JMY: variants seen among roughly 807,000 people sequenced by gnomAD.
JMY encodes the protein junction-mediating and -regulatory protein.
In JMY, 46 loss-of-function variants were observed where a neutral mutation model predicts 103.3. The ratio of observed to expected loss-of-function variants is 0.45; its 90% CI spans 0.35 to 0.57. The LOEUF is 0.57. Among genes scored for constraint, JMY ranks in the 20% least tolerant of loss-of-function variants. The pLI is 0.00. For missense variants in JMY, 1,238 were observed against 1,255.2 expected, an observed-to-expected ratio of 0.99 and a Z score of 0.21; for synonymous variants, 526 against 489.3, an observed-to-expected ratio of 1.07 and a Z score of -0.99.
intron 1 of JMY, among the ~76,000 whole-genome samples, chr5:79,275,801 G>A (rs569009129): frequency 6.6e-6 from 1 of 152,038 alleles, no homozygotes; most frequent in Non-Finnish European, 1.5e-5. Flanking sequence ...CACTTTTTTT[G>A]TTATAAAAGC....
chr5:79,300,754 C>G lies in JMY; in HGVS notation c.1772C>G (p.Ser591Cys). 1 of 1,612,358 alleles carries G rather than the reference C, an allele frequency of 6.2e-7. No individual in the cohort carries two copies. The highest frequency in any genetic ancestry group is 8.5e-7 in the Non-Finnish European group (1 of 1,179,338). ...AMLEKEEMAA[S>C]AYLQREELQK... is the part of the protein sequence containing the mutation. ...CTGGAGAAGGAAGAGATGGCAGCAT[C>G]TGCGTACTTACAGAGAGAAGAGCTG... Residue 591 changes from serine to cysteine, a missense_variant, in exon 6 of 11, where the codon TCT (serine) becomes TGT (cysteine). By Grantham distance (112) the Ser-to-Cys change is moderately radical. Coordinates refer to ENST00000396137, the MANE Select transcript of JMY (RefSeq NM_152405.5).
At chr5:79,305,371 G>A in intron 6 of JMY, among the ~76,000 whole-genome samples, 1 of 152,008 alleles carries the variant, frequency 6.6e-6, no homozygotes, top group East Asian at 1.9e-4. Flanking sequence ...AGAATCTCTT[G>A]AACCTGGGAG....
At chr5:79,263,417 C>G (rs1312858522) in intron 1 of JMY, among the ~76,000 whole-genome samples, 2 of 151,872 alleles carry the variant, frequency 1.3e-5, no homozygotes, top group African/African-American at 4.8e-5. Flanking sequence ...TCTTTTCAGG[C>G]AGGATGTGCT....
intron 2 of JMY, among the ~76,000 whole-genome samples, chr5:79,280,559 A>G (rs1456642247): frequency 3.3e-5 from 5 of 152,132 alleles, no homozygotes; most frequent in African/African-American, 7.2e-5. Flanking sequence ...AATCATGACT[A>G]TTCTTTTATT....
chr5:79,258,171 A>G lies in JMY; in HGVS notation c.1033-19739A>G, dbSNP rs77652773. Among the ~76,000 whole-genome samples the G allele has an allele frequency of 4.9e-3, 747 of 152,324 alleles. 3 individuals are homozygous for G. The highest frequency in any genetic ancestry group is 0.017 in the African/African-American group (724 of 41,574). On this transcript the variant is annotated intron_variant, in intron 1 of 10. Coordinates refer to ENST00000396137, the MANE Select transcript of JMY (RefSeq NM_152405.5). Reference sequence around the variant, plus strand: ...ACAGTCAAATTTACTGAAATTTACTACTTATCTACAAAGGAAAGAATCTGA... The same window carrying G: ...ACAGTCAAATTTACTGAAATTTACTGCTTATCTACAAAGGAAAGAATCTGA...
intron 1 of JMY, among the ~76,000 whole-genome samples, chr5:79,253,212 T>C (rs948075305): frequency 2.0e-5 from 3 of 152,170 alleles, no homozygotes; most frequent in African/African-American, 7.2e-5. Flanking sequence ...TTTTAACTTT[T>C]TGTTGTTTCT....
intron 1 of JMY, among the ~76,000 whole-genome samples, chr5:79,255,657 A>G (rs1038030132): frequency 5.3e-5 from 8 of 152,202 alleles, no homozygotes; most frequent in African/African-American, 1.9e-4. Flanking sequence ...CCCCAAGCCC[A>G]ATATTGCTGT....
Position 79,325,570 on chromosome 5 carries a change from C to T in JMY, c.*3968C>T, listed in dbSNP as rs944901086. 2 of 152,076 alleles carry T rather than the reference C, an allele frequency of 1.3e-5. No homozygotes were observed. Among genetic ancestry groups the T allele is most frequent in the Non-Finnish European group, 2.9e-5 (2 of 67,990 alleles). The allele number at this position is 152,076 out of a possible 1,614,324, so 9.4% of individuals were successfully genotyped here. On this transcript the variant is annotated 3_prime_UTR_variant, in exon 11 of 11. Coordinates refer to ENST00000396137, the MANE Select transcript of JMY (RefSeq NM_152405.5). ...AAAGAGCTATGGTTAGAGGAGTGAC[C>T]AGCAAGATTTATTTCAGATGGAAAA...
At chr5:79,261,382 T>A (rs2607143) in intron 1 of JMY, among the ~76,000 whole-genome samples, 125,673 of 151,954 alleles carry the variant, frequency 0.83, 52,684 homozygotes, top group East Asian at 1. Context: ...TCTCTACAAA[T>A]AATAATAATA....
At chr5:79,295,098 T>G in intron 4 of JMY, among the ~76,000 whole-genome samples, 1 of 152,198 alleles carries the variant, frequency 6.6e-6, no homozygotes, top group East Asian at 1.9e-4. Flanking sequence ...CGTCAAGTAT[T>G]TATTGAGCAT....
intron 1 of JMY, among the ~76,000 whole-genome samples, chr5:79,264,619 T>C (rs919982941): frequency 2.6e-5 from 4 of 152,176 alleles, no homozygotes; most frequent in Non-Finnish European, 5.9e-5. Flanking sequence ...GCCATTGCAT[T>C]AAGGCCAACT....
intron 4 of JMY, among the ~76,000 whole-genome samples, chr5:79,299,737 G>A (rs1746675272): frequency 1.3e-5 from 2 of 152,120 alleles, no homozygotes; most frequent in African/African-American, 4.8e-5. Flanking sequence ...CCCCAGATAT[G>A]TGGCATTAAC....
chr5:79,305,286 C>T (rs1746846426), intron 6 of JMY, among the ~76,000 whole-genome samples: 4 of 151,982 alleles, frequency 2.6e-5, no homozygotes, highest in African/African-American at 2.4e-5. Context: ...CCCGTCTCTA[C>T]TAAAAATACA....
intron 1 of JMY, among the ~76,000 whole-genome samples, chr5:79,257,368 T>C (rs1456382059): frequency 1.3e-5 from 2 of 152,100 alleles, no homozygotes; most frequent in Non-Finnish European, 2.9e-5. Context: ...TTTGGGAGGC[T>C]GAGGTGAGCG....
intron 6 of JMY, among the ~76,000 whole-genome samples, chr5:79,301,443 A>G (rs556256414): frequency 3.9e-5 from 6 of 152,324 alleles, no homozygotes; most frequent in Admixed American, 2.0e-4. Flanking sequence ...CTTTAAGCTC[A>G]AGTATTATAA....
At chr5:79,241,624 G>A (rs1744746309) in intron 1 of JMY, among the ~76,000 whole-genome samples, 1 of 152,204 alleles carries the variant, frequency 6.6e-6, no homozygotes, top group African/African-American at 2.4e-5. Context: ...GTGGGCATGT[G>A]TGCATTTTAG....
In JMY at chr5:79,322,965, T is replaced by C. The variant is rs552991008; in HGVS notation, c.*1363T>C. The C allele has an allele frequency of 1.2e-4, 19 of 152,182 alleles. No individual in the cohort carries two copies. The highest frequency in any genetic ancestry group is 1.9e-4 in the East Asian group (1 of 5,204). The allele number at this position is 152,182 out of a possible 1,614,324, so 9.4% of individuals were successfully genotyped here. A position where few individuals can be genotyped will look rare whatever the true frequency, so the allele number is the denominator to read the frequency against. ...CCCAGTGTATATGAATTGGTATTCC[T>C]AGAGAAAAAAAGAAATGCTCACACC... On this transcript the variant is annotated 3_prime_UTR_variant, in exon 11 of 11. Coordinates refer to ENST00000396137, the MANE Select transcript of JMY (RefSeq NM_152405.5).
intron 6 of JMY, among the ~76,000 whole-genome samples, chr5:79,304,230 G>A (rs1746818468): frequency 6.6e-6 from 1 of 152,110 alleles, no homozygotes; most frequent in East Asian, 1.9e-4. Flanking sequence ...AGTGAAATAA[G>A]GAAGGGTGGT....
chr5:79,314,986 C>T, intron 9 of JMY, 135 bp downstream of exon 9: 1 of 769,034 alleles, frequency 1.3e-6, no homozygotes, highest in South Asian at 2.2e-5. Flanking sequence ...TTCAAAGTCA[C>T]ACTAGAGGAG....
Sources: allele counts gnomAD v4.1 joint callset (sites outside exome capture counted in the v4.1 genomes callset), GRCh38; gene constraint gnomAD v4.1.1; transcripts MANE v1.5; gene names NCBI Gene and HGNC (gene_info 2026-07-23, HGNC 2026-07-21).